FOXP1: variants seen among roughly 807,000 people sequenced by gnomAD.
The protein encoded by FOXP1 is forkhead box P1.
Under a neutral mutation model 98.2 loss-of-function variants are expected in FOXP1, and 15 were observed. The ratio of observed to expected loss-of-function variants is 0.15; its 90% CI spans 0.10 to 0.24. FOXP1 has a LOEUF of 0.24. Among genes scored for constraint, FOXP1 ranks in the 10% least tolerant of loss-of-function variants. The pLI is 1.00. For missense variants in FOXP1, 633 were observed against 848.5 expected, an observed-to-expected ratio of 0.75 and a Z score of 3.15; for synonymous variants, 371 against 314.5, an observed-to-expected ratio of 1.18 and a Z score of -1.90.
chr3:71,391,985 T>C (rs554625013), intron 3 of FOXP1, among the ~76,000 whole-genome samples: 11 of 152,306 alleles, frequency 7.2e-5, no homozygotes, highest in South Asian at 4.1e-4. Flanking sequence ...AACATCTTAA[T>C]TCAGAGTGAA....
chr3:71,528,000 A>G (rs1473533050), intron 2 of FOXP1, among the ~76,000 whole-genome samples: 4 of 152,208 alleles, frequency 2.6e-5, no homozygotes, highest in Admixed American at 6.5e-5. Flanking sequence ...AAAGAGAAAG[A>G]CCACGGTGTC....
intron 3 of FOXP1, among the ~76,000 whole-genome samples, chr3:71,440,128 G>A (rs1224848786): frequency 6.6e-6 from 1 of 152,176 alleles, no homozygotes. Context: ...GTTGCCAGGG[G>A]AGGAGGGAGT....
At chr3:71,131,375 G>T (rs1473604326) in intron 6 of FOXP1, among the ~76,000 whole-genome samples, 1 of 127,268 alleles carries the variant, frequency 7.9e-6, no homozygotes, top group Non-Finnish European at 1.6e-5. Flanking sequence ...AAAAACAGGA[G>T]GAAGAGTTGA....
chr3:71,050,782 T>C (rs1262464391), intron 9 of FOXP1, among the ~76,000 whole-genome samples: 1 of 152,206 alleles, frequency 6.6e-6, no homozygotes, highest in Non-Finnish European at 1.5e-5. Context: ...TGTCTGAGAC[T>C]GTGAAACAGG....
At chr3:70,981,494 G>A (rs911161888) in intron 14 of FOXP1, among the ~76,000 whole-genome samples, 1 of 152,198 alleles carries the variant, frequency 6.6e-6, no homozygotes, top group African/African-American at 2.4e-5. Flanking sequence ...GCGGATGGAG[G>A]TGATCTAATG....
At chr3:71,438,242 T>C (rs528513815) in intron 3 of FOXP1, among the ~76,000 whole-genome samples, 1 of 152,346 alleles carries the variant, frequency 6.6e-6, no homozygotes, top group East Asian at 1.9e-4. Flanking sequence ...TTAAAATCTA[T>C]TTCTGAATGA....
intron 14 of FOXP1, among the ~76,000 whole-genome samples, chr3:70,979,004 C>A (rs1021312602): frequency 6.6e-6 from 1 of 151,984 alleles, no homozygotes; most frequent in Admixed American, 6.5e-5. Context: ...TGGTGGCTCA[C>A]ACCTGTAATC....
chr3:71,125,067 C>T lies in FOXP1; in HGVS notation c.181-12430G>A, dbSNP rs115938975. Among the ~76,000 whole-genome samples the T allele has an allele frequency of 2.5e-3, 380 of 152,296 alleles. 2 individuals carry two copies. The highest frequency in any genetic ancestry group is 8.7e-3 in the African/African-American group (361 of 41,564). On this transcript the variant is annotated intron_variant, in intron 6 of 20. Coordinates refer to ENST00000649528, the MANE Select transcript of FOXP1 (RefSeq NM_001349338.3). ...CTTTCCAATGGCAAATGTACTTGAG[C>T]AACTATGACTCTGACTCTTACCAAA... is the stretch of plus-strand genomic sequence containing the variant.
intron 7 of FOXP1, among the ~76,000 whole-genome samples, chr3:71,067,892 G>A (rs1164818248): frequency 2.0e-5 from 3 of 149,964 alleles, no homozygotes; most frequent in African/African-American, 7.4e-5. Flanking sequence ...CTCCAGCCTA[G>A]GCAACAGAGC....
At chr3:71,353,393 G>C (rs1296968927) in intron 4 of FOXP1, among the ~76,000 whole-genome samples, 1 of 152,096 alleles carries the variant, frequency 6.6e-6, no homozygotes, top group Non-Finnish European at 1.5e-5. Flanking sequence ...GTGATATTTG[G>C]AGACAGGGGT....
intron 4 of FOXP1, among the ~76,000 whole-genome samples, chr3:71,344,190 G>A (rs573878453): frequency 2.0e-5 from 3 of 152,276 alleles, no homozygotes; most frequent in South Asian, 2.1e-4. Flanking sequence ...TCACAGCTAC[G>A]TTTTAGGGAT....
intron 6 of FOXP1, among the ~76,000 whole-genome samples, chr3:71,164,190 T>C (rs538786852): frequency 6.6e-6 from 1 of 152,134 alleles, no homozygotes; most frequent in Non-Finnish European, 1.5e-5. Context: ...TGTACTTATT[T>C]ATTTATTTTT....
intron 12 of FOXP1, among the ~76,000 whole-genome samples, chr3:71,007,194 A>T (rs539851874): frequency 1.3e-5 from 2 of 152,324 alleles, no homozygotes; most frequent in South Asian, 4.1e-4. Context: ...AGTCAAATTC[A>T]TAAAAATATA....
chr3:71,351,110 C>T (rs914536788), intron 4 of FOXP1, among the ~76,000 whole-genome samples: 1 of 152,170 alleles, frequency 6.6e-6, no homozygotes, highest in African/African-American at 2.4e-5. Context: ...GCTACAAAAA[C>T]AGACTCATGA....
chr3:71,165,441 A>C (rs2061355582), intron 6 of FOXP1, among the ~76,000 whole-genome samples: 1 of 152,218 alleles, frequency 6.6e-6, no homozygotes, highest in South Asian at 2.1e-4. Context: ...GTCAGTCACA[A>C]AGGACTAACC....
chr3:71,546,481 G>C (rs995092035), intron 2 of FOXP1, among the ~76,000 whole-genome samples: 2 of 151,946 alleles, frequency 1.3e-5, no homozygotes, highest in Non-Finnish European at 2.9e-5. Context: ...GAAACTTTTC[G>C]ATGATGGAAC....
chr3:71,325,670 TTATTA>T (rs2075648915), intron 4 of FOXP1, among the ~76,000 whole-genome samples: 2 of 151,546 alleles, frequency 1.3e-5, no homozygotes, highest in Non-Finnish European at 2.9e-5. Context: ...ATTATTATTA[TTATTA>T]TTATTATCAC....
chr3:71,195,845 T>A (rs1490376769), intron 6 of FOXP1, among the ~76,000 whole-genome samples: 2 of 152,248 alleles, frequency 1.3e-5, no homozygotes, highest in African/African-American at 4.8e-5. Context: ...CATTGTAGAA[T>A]GCTCACATTT....
intron 5 of FOXP1, among the ~76,000 whole-genome samples, chr3:71,244,142 C>G (rs1292046518): frequency 6.6e-6 from 1 of 152,174 alleles, no homozygotes; most frequent in Non-Finnish European, 1.5e-5. Flanking sequence ...CCCCAAATGT[C>G]TGAAACCCCA....
Sources: allele counts gnomAD v4.1 joint callset (sites outside exome capture counted in the v4.1 genomes callset), GRCh38; gene constraint gnomAD v4.1.1; transcripts MANE v1.5; gene names NCBI Gene and HGNC (gene_info 2026-07-23, HGNC 2026-07-21).